CTNNA3: variants seen among roughly 807,000 people sequenced by gnomAD.
CTNNA3 encodes the protein catenin alpha 3, also known as catenin alpha-3.
In CTNNA3, 76 loss-of-function variants were observed where a neutral mutation model predicts 95.7. That is an observed-to-expected ratio of 0.79 (90% CI 0.66 to 0.96). CTNNA3 has a LOEUF of 0.96. Ranked by LOEUF, CTNNA3 falls within the 40% of genes least tolerant of loss-of-function variation. The pLI is 0.00. For missense variants in CTNNA3, 1,191 were observed against 1,089.8 expected, an observed-to-expected ratio of 1.09 and a Z score of -1.31; for synonymous variants, 431 against 374.4, an observed-to-expected ratio of 1.15 and a Z score of -1.74.
intron 10 of CTNNA3, among the ~76,000 whole-genome samples, chr10:66,534,545 T>C (rs2132059132): frequency 6.7e-6 from 1 of 149,260 alleles, no homozygotes; most frequent in East Asian, 2.0e-4. Flanking sequence ...AATCATACAT[T>C]TATGTTTATA....
intron 7 of CTNNA3, among the ~76,000 whole-genome samples, chr10:66,908,652 T>A (rs1347748339): frequency 6.6e-6 from 1 of 152,204 alleles, no homozygotes; most frequent in African/African-American, 2.4e-5. Flanking sequence ...TTCTAGCTGC[T>A]GCTATGGCTA....
Position 66,475,329 on chromosome 10 carries a change from G to A in CTNNA3, c.1531+45288C>T, listed in dbSNP as rs114362994. Among the ~76,000 whole-genome samples, 912 of 152,030 alleles carry A rather than the reference G, an allele frequency of 6.0e-3. 8 individuals carry two copies. Among genetic ancestry groups the A allele is most frequent in the African/African-American group, 0.021 (853 of 41,498 alleles). On this transcript the variant is annotated intron_variant, in intron 11 of 17. Coordinates refer to ENST00000433211, the MANE Select transcript of CTNNA3 (RefSeq NM_013266.4). ...TATAAAACTACTAGTAGAAAACATAGGGGAAATGCTTTATGATATTGGGGT... is the reference window on the plus strand; with the variant it reads ...TATAAAACTACTAGTAGAAAACATAAGGGAAATGCTTTATGATATTGGGGT...
At chr10:66,237,198 G>T (rs1589815735) in intron 13 of CTNNA3, among the ~76,000 whole-genome samples, 1 of 152,080 alleles carries the variant, frequency 6.6e-6, no homozygotes, top group East Asian at 1.9e-4. Flanking sequence ...AAAGGAAAGA[G>T]ATTTTATATT....
chr10:67,531,938 C>T (rs1840341317), intron 4 of CTNNA3, among the ~76,000 whole-genome samples: 1 of 152,074 alleles, frequency 6.6e-6, no homozygotes. Flanking sequence ...TTTCCCTCCA[C>T]AAGCTCTCTC....
intron 7 of CTNNA3, among the ~76,000 whole-genome samples, chr10:67,068,312 C>T (rs1856218423): frequency 6.6e-6 from 1 of 152,010 alleles, no homozygotes; most frequent in African/African-American, 2.4e-5. Flanking sequence ...GATGGTGACA[C>T]TATTTTCAGG....
chr10:66,182,814 C>G (rs1042274328), intron 13 of CTNNA3, among the ~76,000 whole-genome samples: 4 of 152,112 alleles, frequency 2.6e-5, no homozygotes, highest in Non-Finnish European at 4.4e-5. Flanking sequence ...AGTCACAAGA[C>G]TGAAACCATG....
At chr10:66,540,642 T>G (rs1841818043) in intron 10 of CTNNA3, among the ~76,000 whole-genome samples, 1 of 143,960 alleles carries the variant, frequency 6.9e-6, no homozygotes, top group Non-Finnish European at 1.5e-5. Flanking sequence ...TTCCCTTCCC[T>G]TCCTCTTTCT....
chr10:66,378,132 T>C (rs1336351146), intron 12 of CTNNA3, among the ~76,000 whole-genome samples: 1 of 152,202 alleles, frequency 6.6e-6, no homozygotes, highest in East Asian at 1.9e-4. Context: ...ACCTAGTCTC[T>C]AGTGAATATT....
intron 12 of CTNNA3, among the ~76,000 whole-genome samples, chr10:66,366,487 C>G (rs1156502416): frequency 6.6e-6 from 1 of 152,102 alleles, no homozygotes; most frequent in Non-Finnish European, 1.5e-5. Context: ...AGATGAAGGT[C>G]ATGATGGTTC....
intron 7 of CTNNA3, among the ~76,000 whole-genome samples, chr10:67,079,825 G>C (rs991122563): frequency 6.6e-6 from 1 of 151,346 alleles, no homozygotes; most frequent in Non-Finnish European, 1.5e-5. Flanking sequence ...TCCAGCCTGG[G>C]TGGCACAGCG....
At chr10:67,630,445 T>C (rs1203066407) in intron 2 of CTNNA3, among the ~76,000 whole-genome samples, 24 of 152,152 alleles carry the variant, frequency 1.6e-4, no homozygotes, top group Non-Finnish European at 4.4e-5. Context: ...GGTCTCTGAG[T>C]GCCTGTCTCA....
At chr10:66,280,675 T>A (rs1187500345) in intron 12 of CTNNA3, 54 bp from the exon 13 acceptor site, 1 of 1,366,454 alleles carries the variant, frequency 7.3e-7, no homozygotes, top group Non-Finnish European at 9.9e-7. Context: ...TTTGGATTTA[T>A]ACAGTAGTTT....
At chr10:67,016,655 G>T (rs1183089308) in intron 7 of CTNNA3, among the ~76,000 whole-genome samples, 1 of 152,156 alleles carries the variant, frequency 6.6e-6, no homozygotes. Flanking sequence ...AATATTTTTG[G>T]GGGAAAGGCA....
At chr10:66,028,642 G>T (rs923816996) in intron 15 of CTNNA3, among the ~76,000 whole-genome samples, 1 of 152,044 alleles carries the variant, frequency 6.6e-6, no homozygotes, top group Non-Finnish European at 1.5e-5. Flanking sequence ...TATACCTAAT[G>T]TAAATGATGA....
chr10:65,928,411 A>G (rs533938070), intron 17 of CTNNA3, among the ~76,000 whole-genome samples: 119 of 152,274 alleles, frequency 7.8e-4, no homozygotes, highest in African/African-American at 2.8e-3. Flanking sequence ...CTAAGACTAG[A>G]TTGGATCCTC....
At position 66,278,416 on chromosome 10, in the gene CTNNA3, AT is replaced by A. The variant is rs1205644462; in HGVS notation, c.1884+2053del. On this transcript the variant is annotated intron_variant, in intron 13 of 17. Coordinates refer to ENST00000433211, the MANE Select transcript of CTNNA3 (RefSeq NM_013266.4). ...ACTAGTGAAGAACACAAAATACTAA[AT>A]TTTTCTTATGAGAAAAAGTTAACAG... Among the ~76,000 whole-genome samples, 3 of 151,794 alleles carry A rather than the reference AT, an allele frequency of 2.0e-5. No individual in the cohort carries two copies. In the East Asian group the frequency reaches 5.8e-4, roughly 29 times the overall value.
chr10:66,096,270 C>G (rs549803758), intron 14 of CTNNA3, among the ~76,000 whole-genome samples: 91 of 152,034 alleles, frequency 6.0e-4, no homozygotes, highest in Non-Finnish European at 1.1e-3. Flanking sequence ...AGAACAAAAC[C>G]TTTGATTTAG....
intron 12 of CTNNA3, among the ~76,000 whole-genome samples, chr10:66,291,657 T>A (rs888354324): frequency 9.2e-5 from 14 of 152,044 alleles, no homozygotes; most frequent in Admixed American, 7.9e-4. Flanking sequence ...ATTGTAATAG[T>A]TGTTATTGTT....
At chr10:66,670,159 G>C (rs987741548) in intron 9 of CTNNA3, among the ~76,000 whole-genome samples, 1 of 151,996 alleles carries the variant, frequency 6.6e-6, no homozygotes, top group African/African-American at 2.4e-5. Flanking sequence ...GGGGGGATAC[G>C]CATTAGTTCA....
Sources: gnomAD v4.1 joint callset for allele counts (sites outside exome capture counted in the v4.1 genomes callset) on GRCh38, gnomAD v4.1.1 for gene constraint, MANE v1.5 for transcripts, NCBI Gene and HGNC (gene_info 2026-07-23, HGNC 2026-07-21) for gene names.